MYO1E: variants seen among roughly 807,000 people sequenced by gnomAD.
The protein encoded by MYO1E is unconventional myosin-Ie.
In MYO1E, 68 loss-of-function variants were observed where a neutral mutation model predicts 151.1. The ratio of observed to expected loss-of-function variants is 0.45; its 90% confidence interval spans 0.37 to 0.55. The LOEUF (loss-of-function observed/expected upper bound fraction) is 0.55. MYO1E is among the 20% of genes least tolerant of loss of function. The probability of loss-of-function intolerance (pLI) is 0.00; values close to 1 mark genes in which losing one functional copy is unlikely to be tolerated. For missense variants in MYO1E, 1,363 were observed against 1,389.3 expected (o/e 0.98, Z 0.30); for synonymous variants, 601 against 501.7 (o/e 1.20, Z -2.64).
At chr15:59,363,418 CT>C (rs2080896733) in intron 1 of MYO1E, among the ~76,000 whole-genome samples, 1 of 152,228 alleles carries the variant, frequency 6.6e-6, no homozygotes, top group Non-Finnish European at 1.5e-5. Context: ...ATTATCCCCT[CT>C]GGTATTACTG....
intron 2 of MYO1E, among the ~76,000 whole-genome samples, chr15:59,270,338 G>C (rs2080281809): frequency 6.6e-6 from 1 of 152,044 alleles, no homozygotes; most frequent in Non-Finnish European, 1.5e-5. Flanking sequence ...GGTTGCTTGA[G>C]CTCAAGAGTT....
intron 14 of MYO1E, among the ~76,000 whole-genome samples, chr15:59,206,151 A>T (rs1463081414): frequency 1.3e-5 from 2 of 152,138 alleles, no homozygotes; most frequent in Non-Finnish European, 2.9e-5. Flanking sequence ...GATGGGCTTT[A>T]TAAGAACACC....
intron 16 of MYO1E, among the ~76,000 whole-genome samples, chr15:59,201,887 G>C (rs1199077473): frequency 6.6e-6 from 1 of 152,174 alleles, no homozygotes; most frequent in Non-Finnish European, 1.5e-5. Flanking sequence ...CCAGTGAGGA[G>C]GGATGCATAA....
chr15:59,325,469 T>C (rs1434979999), intron 1 of MYO1E, among the ~76,000 whole-genome samples: 1 of 152,224 alleles, frequency 6.6e-6, no homozygotes, highest in Admixed American at 6.5e-5. Flanking sequence ...TGACATCAGC[T>C]GACCAGCACC....
In MYO1E at chr15:59,372,780, G is replaced by C. The variant is rs912215971; in HGVS notation, c.-280C>G. The stretch of plus-strand genomic sequence containing the variant: ...TACTCGCCGGTCGCCGCCGGCCCAG[G>C]TGAGTCCGATGCGCTCGGAGCGTCC... On this transcript the variant is annotated 5_prime_UTR_variant, in exon 1 of 28. Transcript: ENST00000288235. 19 of 534,054 alleles carry C rather than the reference G, an allele frequency of 3.6e-5. No individual in the cohort carries two copies. In the African/African-American group the frequency reaches 3.8e-4, roughly 11 times the overall value. The allele number at this position is 534,054 out of a possible 1,614,324, so 33.1% of individuals were successfully genotyped here. A position where few individuals can be genotyped will look rare whatever the true frequency, so the allele number is the denominator to read the frequency against.
At chr15:59,165,590 A>G (rs543428625) in intron 22 of MYO1E, among the ~76,000 whole-genome samples, 27 of 152,334 alleles carry the variant, frequency 1.8e-4, no homozygotes, top group African/African-American at 6.3e-4. Flanking sequence ...TCAACAGCTC[A>G]TGCAAAGGCA....
At chr15:59,193,492 A>G (rs1387059112) in intron 17 of MYO1E, among the ~76,000 whole-genome samples, 2 of 152,226 alleles carry the variant, frequency 1.3e-5, no homozygotes, top group African/African-American at 2.4e-5. Context: ...TCAGAAAAGC[A>G]GAGGCCAAAT....
chr15:59,355,723 C>CT (rs35682759), intron 1 of MYO1E, among the ~76,000 whole-genome samples: 27 of 150,582 alleles, frequency 1.8e-4, no homozygotes, highest in Non-Finnish European at 3.0e-4. Context: ...TTGCCTATTT[C>CT]TTTTTTTTTT....
intron 8 of MYO1E, 35 bp downstream of exon 8, chr15:59,224,654 G>T: frequency 6.2e-7 from 1 of 1,613,886 alleles, no homozygotes; most frequent in South Asian, 1.1e-5. Context: ...CCAGTTGGGA[G>T]AGCAGATCCT....
chr15:59,136,679 C>G lies in MYO1E; in HGVS notation c.*701G>C. 1 of 456,388 alleles carries G rather than the reference C, an allele frequency of 2.2e-6. No individual in the cohort carries two copies. The highest frequency in any genetic ancestry group is 4.4e-6 in the Non-Finnish European group (1 of 226,756). The allele number at this position is 456,388 out of a possible 1,614,324, so 28.3% of individuals were successfully genotyped here. A position where few individuals can be genotyped will look rare whatever the true frequency, so the allele number is the denominator to read the frequency against. Reference sequence around the variant, plus strand: ...AAAAAGATCCTTCTTGTAGTAAGTACAGCATTTAAACACAAACCAATATGG... The same window carrying G: ...AAAAAGATCCTTCTTGTAGTAAGTAGAGCATTTAAACACAAACCAATATGG... On this transcript the variant is annotated 3_prime_UTR_variant, in exon 28 of 28. Coordinates refer to ENST00000288235, the MANE Select transcript of MYO1E (RefSeq NM_004998.4).
chr15:59,137,496 G>C, intron 27 of MYO1E, 40 bp from the exon 28 acceptor site: 1 of 1,558,790 alleles, frequency 6.4e-7, no homozygotes, highest in East Asian at 2.2e-5. Context: ...AGATGAGAAA[G>C]TCTGTTCTGC....
chr15:59,361,119 G>A (rs990033842), intron 1 of MYO1E, among the ~76,000 whole-genome samples: 2 of 152,122 alleles, frequency 1.3e-5, no homozygotes, highest in Non-Finnish European at 2.9e-5. Flanking sequence ...ACATGGCCAA[G>A]CCATCCCATG....
intron 3 of MYO1E, among the ~76,000 whole-genome samples, chr15:59,258,958 T>G (rs1396329948): frequency 1.3e-5 from 2 of 152,048 alleles, no homozygotes; most frequent in East Asian, 1.9e-4. Flanking sequence ...TCTCTTGTTT[T>G]TTTTTGTTTT....
chr15:59,318,630 T>C (rs778055925), intron 1 of MYO1E, among the ~76,000 whole-genome samples: 6 of 152,144 alleles, frequency 3.9e-5, no homozygotes, highest in Non-Finnish European at 8.8e-5. Flanking sequence ...GATGTTTTTG[T>C]TTTACTGCAG....
intron 1 of MYO1E, among the ~76,000 whole-genome samples, chr15:59,289,493 C>T (rs2080406730): frequency 6.6e-6 from 1 of 152,198 alleles, no homozygotes; most frequent in African/African-American, 2.4e-5. Flanking sequence ...AGTGAGTTTC[C>T]TTGCACATAA....
At chr15:59,281,284 T>C (rs954240637) in intron 1 of MYO1E, among the ~76,000 whole-genome samples, 16 of 151,870 alleles carry the variant, frequency 1.1e-4, no homozygotes, top group African/African-American at 3.9e-4. Context: ...TTCTTTCTTT[T>C]TTTTTTTCTG....
At chr15:59,229,129 T>A (rs2080010295) in intron 6 of MYO1E, among the ~76,000 whole-genome samples, 1 of 152,076 alleles carries the variant, frequency 6.6e-6, no homozygotes, top group Non-Finnish European at 1.5e-5. Flanking sequence ...TCAGTGCCTG[T>A]CCCCCATTCC....
intron 18 of MYO1E, among the ~76,000 whole-genome samples, chr15:59,182,826 T>A (rs1246640024): frequency 6.6e-6 from 1 of 152,184 alleles, no homozygotes; most frequent in Non-Finnish European, 1.5e-5. Flanking sequence ...CAGGGTCCCT[T>A]ACACCAGCCA....
chr15:59,238,280 C>T (rs868319231), intron 4 of MYO1E, among the ~76,000 whole-genome samples: 58 of 152,146 alleles, frequency 3.8e-4, no homozygotes, highest in African/African-American at 1.3e-3. Context: ...TGGAATTACA[C>T]GGTTTGGCAA....
Sources: gnomAD v4.1 joint callset for allele counts (sites outside exome capture counted in the v4.1 genomes callset) on GRCh38, gnomAD v4.1.1 for gene constraint, MANE v1.5 for transcripts, NCBI Gene and HGNC (gene_info 2026-07-23, HGNC 2026-07-21) for gene names.